The following TNIK variants were observed in gnomAD, a reference collection of about 807,000 sequenced individuals.
TNIK encodes TRAF2 and NCK-interacting protein kinase.
TNIK carries 49 observed loss-of-function variants against 191.3 expected under a neutral mutation model. That is an observed-to-expected ratio of 0.26 (90% CI 0.20 to 0.32). The LOEUF is 0.32. Ranked by LOEUF, TNIK falls within the 10% of genes least tolerant of loss-of-function variation. The pLI, the probability that TNIK is intolerant of heterozygous loss-of-function variation, is 1.00. For missense variants in TNIK, 1,155 were observed against 1,702.3 expected, an observed-to-expected ratio of 0.68 and a Z score of 5.66; for synonymous variants, 594 against 600.9, an observed-to-expected ratio of 0.99 and a Z score of 0.17.
intron 2 of TNIK, among the ~76,000 whole-genome samples, chr3:171,273,006 T>C: frequency 6.6e-6 from 1 of 152,194 alleles, no homozygotes; most frequent in Non-Finnish European, 1.5e-5. Context: ...CAACCAGAGA[T>C]TCTGGTCAGG....
chr3:171,422,489 C>T (rs1207170684), intron 1 of TNIK, among the ~76,000 whole-genome samples: 1 of 152,090 alleles, frequency 6.6e-6, no homozygotes, highest in Non-Finnish European at 1.5e-5. Flanking sequence ...TCAGTTTTAA[C>T]TCAATTTATT....
At chr3:171,263,808 G>C (rs534660631) in intron 2 of TNIK, among the ~76,000 whole-genome samples, 2 of 151,886 alleles carry the variant, frequency 1.3e-5, no homozygotes, top group South Asian at 4.2e-4. Context: ...TGTAGGAAAG[G>C]CTTCCTATGG....
intron 21 of TNIK, among the ~76,000 whole-genome samples, chr3:171,106,312 T>C (rs9790271): frequency 0.54 from 82,749 of 151,998 alleles, 22,902 homozygotes; most frequent in East Asian, 0.68. Flanking sequence ...TCTCATTTTA[T>C]GGATGAGGAA....
chr3:171,288,274 T>A (rs978924751), intron 2 of TNIK, among the ~76,000 whole-genome samples: 18 of 149,422 alleles, frequency 1.2e-4, no homozygotes, highest in Non-Finnish European at 2.2e-4. Context: ...CATATGTAAC[T>A]AACCTGCACA....
intron 7 of TNIK, 134 bp downstream of exon 7, chr3:171,188,568 G>T: frequency 9.0e-7 from 1 of 1,107,688 alleles, no homozygotes; most frequent in Non-Finnish European, 1.2e-6. Flanking sequence ...TGTCTTACAG[G>T]TCTTAAACTC....
At chr3:171,393,984 T>C (rs1300001979) in intron 1 of TNIK, among the ~76,000 whole-genome samples, 1 of 152,242 alleles carries the variant, frequency 6.6e-6, no homozygotes, top group Non-Finnish European at 1.5e-5. Context: ...TCTTTTAGTA[T>C]ATAAAATAAT....
At chr3:171,172,641 CA>C (rs1387746616) in intron 9 of TNIK, among the ~76,000 whole-genome samples, 2 of 152,234 alleles carry the variant, frequency 1.3e-5, no homozygotes, top group Non-Finnish European at 2.9e-5. Flanking sequence ...ACCACCTCTA[CA>C]AAGGCTGGGA....
At chr3:171,087,541 G>A (rs776916669) in intron 23 of TNIK, 35 bp from the exon 24 acceptor site, 74 of 1,603,754 alleles carry the variant, frequency 4.6e-5, no homozygotes, top group Non-Finnish European at 6.1e-5. Context: ...GAGTTAGAGA[G>A]GGGGGAAAAA....
chr3:171,173,022 G>A (rs375682320), intron 9 of TNIK, among the ~76,000 whole-genome samples: 22 of 152,152 alleles, frequency 1.4e-4, no homozygotes, highest in African/African-American at 5.3e-4. Flanking sequence ...GGCAAGGGCT[G>A]TTCACTCACT....
At chr3:171,396,458 G>A (rs1259728860) in intron 1 of TNIK, among the ~76,000 whole-genome samples, 1 of 152,112 alleles carries the variant, frequency 6.6e-6, no homozygotes, top group Non-Finnish European at 1.5e-5. Context: ...CATTTCAGTT[G>A]GGTACACAAT....
chr3:171,205,493 A>G (rs902805924), intron 4 of TNIK, among the ~76,000 whole-genome samples: 1 of 152,164 alleles, frequency 6.6e-6, no homozygotes, highest in Non-Finnish European at 1.5e-5. Flanking sequence ...ATTTAATTGA[A>G]GTGGGGTAAG....
At chr3:171,107,238 C>T (rs1725041101) in intron 20 of TNIK, 32 bp from the exon 21 acceptor site, 1 of 1,604,642 alleles carries the variant, frequency 6.2e-7, no homozygotes, top group Admixed American at 1.7e-5. Flanking sequence ...CCAGAAGAAT[C>T]CACAGAAGGA....
chr3:171,395,230 G>A (rs1720070227), intron 1 of TNIK, among the ~76,000 whole-genome samples: 1 of 152,190 alleles, frequency 6.6e-6, no homozygotes. Flanking sequence ...GACAGACACG[G>A]GGTGAAATTC....
At chr3:171,122,252 G>C (rs1727852286) in intron 18 of TNIK, among the ~76,000 whole-genome samples, 1 of 152,210 alleles carries the variant, frequency 6.6e-6, no homozygotes, top group Non-Finnish European at 1.5e-5. Context: ...CCAATGAACA[G>C]AGCCCCCGGG....
At chr3:171,161,604 A>G (rs541171335) in intron 10 of TNIK, among the ~76,000 whole-genome samples, 10 of 152,282 alleles carry the variant, frequency 6.6e-5, no homozygotes, top group African/African-American at 2.4e-4. Flanking sequence ...TAATTTTTTT[A>G]TTAATTTAAT....
At chr3:171,418,401 A>G (rs1187085929) in intron 1 of TNIK, among the ~76,000 whole-genome samples, 1 of 152,216 alleles carries the variant, frequency 6.6e-6, no homozygotes, top group Non-Finnish European at 1.5e-5. Flanking sequence ...AGATGTTCAT[A>G]GCAGCATTAT....
intron 2 of TNIK, among the ~76,000 whole-genome samples, chr3:171,256,095 C>A (rs186740236): frequency 1.7e-4 from 25 of 151,512 alleles, no homozygotes; most frequent in South Asian, 2.1e-4. Flanking sequence ...CAGCTCCCAA[C>A]AAGGAAAAAA....
chr3:171,338,175 A>AT (rs139508167), intron 2 of TNIK, among the ~76,000 whole-genome samples: 34,711 of 151,874 alleles, frequency 0.23, 3,923 homozygotes, highest in South Asian at 0.31. Flanking sequence ...TCAACCAACA[A>AT]TTTTTTTAAG....
chr3:171,087,620 T>G (rs1721542851), intron 23 of TNIK, 114 bp from the exon 24 acceptor site: 2 of 1,099,872 alleles, frequency 1.8e-6, no homozygotes, highest in Non-Finnish European at 2.6e-6. Context: ...CACTAGGGCA[T>G]GAGAAGGTGA....
Sources: allele counts gnomAD v4.1 joint callset (sites outside exome capture counted in the v4.1 genomes callset), GRCh38; gene constraint gnomAD v4.1.1; transcripts MANE v1.5; gene names NCBI Gene and HGNC (gene_info 2026-07-23, HGNC 2026-07-21).